Variants in PLCL2 observed in about 807,000 individuals in gnomAD.
PLCL2 encodes inactive phospholipase C-like protein 2.
PLCL2 carries 4 observed loss-of-function variants against 79.6 expected under a neutral mutation model. The ratio of observed to expected loss-of-function variants is 0.05; its 90% CI spans 0.02 to 0.11. PLCL2 has a LOEUF of 0.11. Among genes scored for constraint, PLCL2 ranks in the 10% least tolerant of loss-of-function variants. The pLI is 1.00. For synonymous variants in PLCL2, 484 were observed against 457.7 expected, an observed-to-expected ratio of 1.06 and a Z score of -0.73; for missense variants, 895 against 1,291.0, an observed-to-expected ratio of 0.69 and a Z score of 4.70.
At chr3:16,969,086 T>C (rs2063833450) in intron 1 of PLCL2, among the ~76,000 whole-genome samples, 1 of 152,184 alleles carries the variant, frequency 6.6e-6, no homozygotes, top group South Asian at 2.1e-4. Context: ...ATCTCAGGGA[T>C]AAAGCCTACT....
At chr3:16,897,798 G>A (rs1044745709) in intron 1 of PLCL2, among the ~76,000 whole-genome samples, 3 of 152,156 alleles carry the variant, frequency 2.0e-5, no homozygotes, top group Non-Finnish European at 2.9e-5. Context: ...GCTGACCTTC[G>A]CGGTAAAGAG....
chr3:17,053,974 G>T (rs1242119830), intron 4 of PLCL2, among the ~76,000 whole-genome samples: 1 of 152,088 alleles, frequency 6.6e-6, no homozygotes, highest in Non-Finnish European at 1.5e-5. Context: ...CTCTGAAAAT[G>T]GGCTTTTCTT....
At position 16,944,905 on chromosome 3, in the gene PLCL2, G is replaced by A. The variant is rs560374668; in HGVS notation, c.327+59539G>A. Among the ~76,000 whole-genome samples the A allele has an allele frequency of 1.3e-4, 20 of 151,868 alleles. 1 individual carries two copies. Among genetic ancestry groups the A allele is most frequent in the Non-Finnish European group, 2.1e-4 (14 of 67,932 alleles). On this transcript the variant is annotated intron_variant, in intron 1 of 5. Coordinates refer to ENST00000615277, the MANE Select transcript of PLCL2 (RefSeq NM_001144382.2). ...CTCCCGAGTAGCTGGGATTACAGTC[G>A]CCTGCCACCACACCCGGGTAATTTT...
At chr3:16,993,293 A>G (rs961055057) in intron 1 of PLCL2, among the ~76,000 whole-genome samples, 2 of 152,128 alleles carry the variant, frequency 1.3e-5, no homozygotes, top group Non-Finnish European at 2.9e-5. Flanking sequence ...ATGTCATTCT[A>G]CCTTGGGTAA....
intron 1 of PLCL2, among the ~76,000 whole-genome samples, chr3:16,901,083 T>G (rs535030249): frequency 7.9e-5 from 12 of 152,302 alleles, no homozygotes; most frequent in African/African-American, 2.6e-4. Context: ...AAAAATTAAC[T>G]GCTCCACTGC....
chr3:17,074,765 T>TA (rs1262144426), intron 5 of PLCL2, among the ~76,000 whole-genome samples: 8 of 152,244 alleles, frequency 5.3e-5, no homozygotes, highest in Non-Finnish European at 7.3e-5. Context: ...GCTTATTTCC[T>TA]TAAACCTATG....
chr3:16,984,921 G>T (rs11717433), intron 1 of PLCL2, among the ~76,000 whole-genome samples: 28,232 of 149,344 alleles, frequency 0.19, 3,163 homozygotes, highest in East Asian at 0.54. Flanking sequence ...AACAGAGCGA[G>T]ACTACGTCTT....
At chr3:16,985,516 T>C (rs1045554589) in intron 1 of PLCL2, among the ~76,000 whole-genome samples, 1 of 152,196 alleles carries the variant, frequency 6.6e-6, no homozygotes, top group Non-Finnish European at 1.5e-5. Context: ...CTTATTATTC[T>C]TATCTGGTAT....
chr3:16,889,802 C>G (rs1696305497), intron 1 of PLCL2, among the ~76,000 whole-genome samples: 1 of 152,152 alleles, frequency 6.6e-6, no homozygotes, highest in Non-Finnish European at 1.5e-5. Context: ...CAGTTCTGCA[C>G]AGGTAACAAA....
At chr3:16,976,057 G>A (rs2063922869) in intron 1 of PLCL2, among the ~76,000 whole-genome samples, 1 of 148,708 alleles carries the variant, frequency 6.7e-6, no homozygotes, top group Non-Finnish European at 1.5e-5. Context: ...TTGCTTCTGA[G>A]AAGAAGTGGG....
chr3:16,946,272 C>G (rs1259860597), intron 1 of PLCL2, among the ~76,000 whole-genome samples: 1 of 152,080 alleles, frequency 6.6e-6, no homozygotes, highest in African/African-American at 2.4e-5. Flanking sequence ...CCAGCTTTCC[C>G]AGTGCTTCAT....
chr3:16,960,182 ATC>A (rs2124968311), intron 1 of PLCL2, among the ~76,000 whole-genome samples: 1 of 152,302 alleles, frequency 6.6e-6, no homozygotes, highest in East Asian at 1.9e-4. Flanking sequence ...TATCATTCAG[ATC>A]TCTGTAAAGA....
chr3:16,895,992 G>A (rs1696470406), intron 1 of PLCL2, among the ~76,000 whole-genome samples: 1 of 152,232 alleles, frequency 6.6e-6, no homozygotes, highest in African/African-American at 2.4e-5. Flanking sequence ...TGCCAGTGAT[G>A]TTTGGTTTCT....
chr3:17,008,181 A>G (rs984342787), intron 1 of PLCL2, among the ~76,000 whole-genome samples: 1 of 151,906 alleles, frequency 6.6e-6, no homozygotes, highest in Non-Finnish European at 1.5e-5. Context: ...ACAAGGTGAC[A>G]TTGTTCTGAG....
At chr3:16,964,590 C>G (rs372229913) in intron 1 of PLCL2, among the ~76,000 whole-genome samples, 8 of 151,920 alleles carry the variant, frequency 5.3e-5, no homozygotes, top group African/African-American at 1.7e-4. Flanking sequence ...TTGAGGAATC[C>G]CCACACTGTC....
At chr3:17,045,075 C>G (rs17043043) in intron 4 of PLCL2, among the ~76,000 whole-genome samples, 1,990 of 152,236 alleles carry the variant, frequency 0.013, 47 homozygotes, top group African/African-American at 0.045. Context: ...GTCCCTTGAT[C>G]TTTTGTTTCT....
chr3:17,016,521 T>A (rs1205872001), intron 3 of PLCL2, among the ~76,000 whole-genome samples: 1 of 152,178 alleles, frequency 6.6e-6, no homozygotes, highest in Non-Finnish European at 1.5e-5. Context: ...GCCACTGTGC[T>A]GAGTGCCAAA....
chr3:17,003,480 C>T (rs926912120), intron 1 of PLCL2, among the ~76,000 whole-genome samples: 2 of 152,168 alleles, frequency 1.3e-5, no homozygotes, highest in African/African-American at 4.8e-5. Flanking sequence ...ATGCCTGTGT[C>T]AGAAAGGGGT....
rs555516177 is a variant in PLCL2, at chr3:17,010,549, C to A, written c.1203C>A (p.Ser401=). 3 of 1,614,064 alleles carry A rather than the reference C, an allele frequency of 1.9e-6. No homozygotes were observed. In the African/African-American group the frequency reaches 4.0e-5, roughly 22 times the overall value. The part of the protein sequence containing the change: ...SKEGQEKGWL[S]IDGFTNYLMS... ...AGGGTCAGGAAAAGGGCTGGCTCTCCATAGACGGGTTCACTAATTACCTTA... is the reference window on the plus strand; with the variant it reads ...AGGGTCAGGAAAAGGGCTGGCTCTCAATAGACGGGTTCACTAATTACCTTA... The change falls in exon 2 of 6, where the codon TCC becomes TCA. Residue 401 remains serine (S), a synonymous_variant. Coordinates refer to ENST00000615277, the MANE Select transcript of PLCL2 (RefSeq NM_001144382.2). This position sits in a 1 kb window ranked among gnomAD's most constrained non-coding sequence, Gnocchi z 5.8.
Sources: allele counts gnomAD v4.1 joint callset (sites outside exome capture counted in the v4.1 genomes callset), GRCh38; gene constraint gnomAD v4.1.1; non-coding constraint Gnocchi (gnomAD v3.1); transcripts MANE v1.5; gene names NCBI Gene and HGNC (gene_info 2026-07-23, HGNC 2026-07-21).